The following CLDN15 variants were observed in gnomAD, a reference collection of about 807,000 sequenced individuals.
CLDN15 encodes claudin 15, also known as claudin-15.
In CLDN15, 9 loss-of-function variants were observed where a neutral mutation model predicts 24.5. That is an observed-to-expected ratio of 0.37 (90% confidence interval 0.22 to 0.64). CLDN15 has a LOEUF of 0.64. CLDN15 is among the 30% of genes least tolerant of loss of function. The pLI, the probability that CLDN15 is intolerant of heterozygous loss-of-function variation, is 0.63. For missense variants in CLDN15, 248 were observed against 305.9 expected (o/e 0.81, Z 1.41); for synonymous variants, 149 against 131.4 (o/e 1.13, Z -0.92).
rs202239413 is a variant in CLDN15, at chr7:101,232,614, G to T, written c.571C>A (p.Pro191Thr). ...SACCCGSDED[P>T]AASARRPYQA... ...CCTCACCCTGCTCACCTGGCGGCTGGGTCCTCGTCAGAGCCGCAGCAGCAG... is the reference window on the plus strand; with the variant it reads ...CCTCACCCTGCTCACCTGGCGGCTGTGTCCTCGTCAGAGCCGCAGCAGCAG... The change falls in exon 4 of 5, where the codon CCA (proline) becomes ACA (threonine). Residue 191 changes from proline (P) to threonine (T), a missense_variant. Pro to Thr is a conservative substitution (Grantham distance 38). Transcript: ENST00000308344. The T allele has an allele frequency of 1.9e-5, 30 of 1,591,624 alleles. No individual in the cohort carries two copies. The highest frequency in any genetic ancestry group is 7.2e-5 in the Admixed American group (4 of 55,494).
At position 101,237,333 on chromosome 7, in the gene CLDN15, C is replaced by T; in HGVS notation, c.217+32G>A. ...GGGGTCTCTGCAGCTTCCCCGCCGC[C>T]CTCTCTCCCTGGAGCGCTCCCCACC... On this transcript the variant is annotated intron_variant, in intron 1 of 4. Transcript: ENST00000308344. The surrounding 1 kb of genome is among the most constrained non-coding windows in gnomAD (Gnocchi z 4.0). 7.0e-7 allele frequency: 1 copy of T among 1,432,230 alleles called. No homozygotes were observed. Among genetic ancestry groups the T allele is most frequent in the East Asian group, 2.4e-5 (1 of 41,816 alleles). 88.7% of individuals were successfully genotyped at this position (1,432,230 alleles called of 1,614,324 possible).
At chr7:101,237,923 G>A (rs547566377), upstream of CLDN15, 336 of 361,918 alleles carry the variant, frequency 9.3e-4, no homozygotes, top group Non-Finnish European at 1.4e-3. This position sits in a 1 kb window ranked among gnomAD's most constrained non-coding sequence, Gnocchi z 4.0. Context: ...ACGAGGGTGG[G>A]GGGGGCAGAC....
At position 101,232,844 on chromosome 7, in the gene CLDN15, G is replaced by A. The variant is rs1299303399; in HGVS notation, c.453C>T (p.Tyr151=). 6.2e-7 allele frequency: 1 copy of A among 1,613,110 alleles called. No homozygotes were observed. The part of the protein sequence containing the change: ...NITRDFFDPL[Y]PGTKYELGPA... ...GTTTCCTCACTCACTTGGTTCCGGGGTACAAGGGGTCGAAGAAGTCCCGGG... is the reference window on the plus strand; with the variant it reads ...GTTTCCTCACTCACTTGGTTCCGGGATACAAGGGGTCGAAGAAGTCCCGGG... Residue 151 remains tyrosine, a synonymous_variant, in exon 3 of 5, where the codon TAC becomes TAT. Transcript: ENST00000308344.
chr7:101,232,114 A>C lies in CLDN15; in HGVS notation c.*296T>G. 3.5e-6 allele frequency: 1 copy of C among 285,758 alleles called. No homozygotes were observed. 17.7% of individuals were successfully genotyped at this position (285,758 alleles called of 1,614,324 possible). On this transcript the variant is annotated 3_prime_UTR_variant, in exon 5 of 5. Coordinates refer to ENST00000308344, the MANE Select transcript of CLDN15 (RefSeq NM_014343.3). Reference sequence around the variant, plus strand: ...CCCTGAACGGTCACAATATGCATTTATTAATGAATGTATTTATACACAATA... The same window carrying C: ...CCCTGAACGGTCACAATATGCATTTCTTAATGAATGTATTTATACACAATA...
chr7:101,232,230 C>A lies in CLDN15; in HGVS notation c.*180G>T. The A allele has an allele frequency of 1.7e-6, 1 of 574,340 alleles. No individual in the cohort carries two copies. The highest frequency in any genetic ancestry group is 2.9e-5 in the East Asian group (1 of 34,174). 35.6% of individuals were successfully genotyped at this position (574,340 alleles called of 1,614,324 possible). A position where few individuals can be genotyped will look rare whatever the true frequency, so the allele number is the denominator to read the frequency against. On this transcript the variant is annotated 3_prime_UTR_variant, in exon 5 of 5. Transcript: ENST00000308344. ...CCTCAGAGGGGAGATATGCGACTTC[C>A]CAAGAGCAGTTCTTGGCCTGGAGGG...
intron 1 of CLDN15, among the ~76,000 whole-genome samples, chr7:101,236,553 C>T (rs945022667): frequency 1.3e-5 from 2 of 152,238 alleles, no homozygotes; most frequent in Non-Finnish European, 2.9e-5. Flanking sequence ...TCACGGTCGC[C>T]AGCGCTCAGT....
In CLDN15 at chr7:101,237,584, T is replaced by G. The variant is rs1798655652; in HGVS notation, c.-3A>C. ...AAGGTTTCCACAGCCATCGACATGGTGGGATGCAGGACCCTGGGGGGCTGG... is the reference window on the plus strand; with the variant it reads ...AAGGTTTCCACAGCCATCGACATGGGGGGATGCAGGACCCTGGGGGGCTGG... On this transcript the variant is annotated 5_prime_UTR_variant, in exon 1 of 5. Transcript: ENST00000308344. This position sits in a 1 kb window ranked among gnomAD's most constrained non-coding sequence, Gnocchi z 4.0. 1.2e-6 allele frequency: 2 copies of G among 1,612,080 alleles called. No individual in the cohort carries two copies. Among genetic ancestry groups the G allele is most frequent in the Non-Finnish European group, 1.7e-6 (2 of 1,178,462 alleles).
Position 101,237,245 on chromosome 7 carries a change from C to A in CLDN15, c.217+120G>T. On this transcript the variant is annotated intron_variant, in intron 1 of 4. Coordinates refer to ENST00000308344, the MANE Select transcript of CLDN15 (RefSeq NM_014343.3). This position sits in a 1 kb window ranked among gnomAD's most constrained non-coding sequence, Gnocchi z 4.0. The stretch of plus-strand genomic sequence containing the variant: ...CCCCCAGCACTCCTGGCTGCGGGAA[C>A]TCAGACCCGCAGAGCTTAATTCAGG... 1 of 734,148 alleles carries A rather than the reference C, an allele frequency of 1.4e-6. No individual in the cohort carries two copies. The highest frequency in any genetic ancestry group is 2.4e-6 in the Non-Finnish European group (1 of 421,294). The allele number at this position is 734,148 out of a possible 1,614,324, so 45.5% of individuals were successfully genotyped here.
Position 101,232,455 on chromosome 7 carries a change from T to G in CLDN15, c.642A>C (p.Glu214Asp), listed in dbSNP as rs767416076. The G allele has an allele frequency of 3.7e-6, 6 of 1,613,548 alleles. No homozygotes were observed. The highest frequency in any genetic ancestry group is 3.4e-6 in the Non-Finnish European group (4 of 1,179,652). The change falls in exon 5 of 5, where the codon GAA becomes GAC. Residue 214 changes from glutamate to aspartate, a missense_variant. Glu to Asp is a conservative substitution (Grantham distance 45). Transcript: ENST00000308344. ...CGTATTTGCCAAAGCTGCTGTCGCC[T>G]TCTTGGTCCGAGGTGGCGACGGGCA... ...SVMPVATSDQEGDSSFGKYGR... is the reference protein window; with the variant it reads ...SVMPVATSDQDGDSSFGKYGR...
In CLDN15 at chr7:101,237,636, C is replaced by G; in HGVS notation, c.-55G>C. ...GCCCCAGAGAGGGGGAGGGGCAGAA[C>G]CCCTAGGGAACTGGAAGGGGCTGCG... On this transcript the variant is annotated 5_prime_UTR_variant, in exon 1 of 5. Transcript: ENST00000308344. This position sits in a 1 kb window ranked among gnomAD's most constrained non-coding sequence, Gnocchi z 4.0. 1 of 1,336,830 alleles carries G rather than the reference C, an allele frequency of 7.5e-7. No homozygotes were observed. Among genetic ancestry groups the G allele is most frequent in the Non-Finnish European group, 1.1e-6 (1 of 934,332 alleles). 82.8% of individuals were successfully genotyped at this position (1,336,830 alleles called of 1,614,324 possible). A position where few individuals can be genotyped will look rare whatever the true frequency, so the allele number is the denominator to read the frequency against.
At chr7:101,238,576 A>G (rs1798679779), upstream of CLDN15, 1 of 152,256 alleles carries the variant, frequency 6.6e-6, no homozygotes, top group Non-Finnish European at 1.5e-5. Flanking sequence ...GGCACCGGGA[A>G]CTGTCCTGGA....
chr7:101,235,392 T>C (rs1798602486), intron 1 of CLDN15, among the ~76,000 whole-genome samples: 2 of 152,122 alleles, frequency 1.3e-5, no homozygotes, highest in African/African-American at 4.8e-5. Flanking sequence ...GCCTCCTGAG[T>C]AGCTCAGGTT....
chr7:101,238,737 C>A (rs1224377125), upstream of CLDN15: 1 of 152,262 alleles, frequency 6.6e-6, no homozygotes, highest in African/African-American at 2.4e-5. Flanking sequence ...GCAACCTGTT[C>A]CCAGTTATCA....
rs559544251 is a variant in CLDN15, at chr7:101,232,530, C to T, written c.582-15G>A. Reference sequence around the variant, plus strand: ...GCCGCCGGGCGCTGCGGGGAGGGCCCGGGGTCAGAGCGGGGGCGCGGCCCT... The same window carrying T: ...GCCGCCGGGCGCTGCGGGGAGGGCCTGGGGTCAGAGCGGGGGCGCGGCCCT... On this transcript the variant is annotated splice_polypyrimidine_tract_variant and intron_variant, in intron 4 of 4. Transcript: ENST00000308344. 2.5e-6 allele frequency: 4 copies of T among 1,605,848 alleles called. No individual in the cohort carries two copies. The highest frequency in any genetic ancestry group is 1.3e-5 in the African/African-American group (1 of 74,860).
At chr7:101,234,012 A>T in intron 2 of CLDN15, 1 of 658,982 alleles carries the variant, frequency 1.5e-6, no homozygotes, top group Admixed American at 2.1e-5. Context: ...TCCCGGAGGC[A>T]GCCGCTCACT....
rs1234240947 is a variant in CLDN15 at position 101,237,065 on chromosome 7, G to C, written c.217+300C>G. Among the ~76,000 whole-genome samples, 2 of 152,198 alleles carry C rather than the reference G, an allele frequency of 1.3e-5. No individual in the cohort carries two copies. The highest frequency in any genetic ancestry group is 6.5e-5 in the Admixed American group (1 of 15,272). ...TGGGACTCTCACCCTAACCCTACAG[G>C]TGGGAGATGAAGCTGGTTTCATCAT... On this transcript the variant is annotated intron_variant, in intron 1 of 4. Transcript: ENST00000308344. This position sits in a 1 kb window ranked among gnomAD's most constrained non-coding sequence, Gnocchi z 4.0.
chr7:101,232,848 A>T lies in CLDN15; in HGVS notation c.449T>A (p.Leu150Ter), dbSNP rs774415158. Residue 150 changes from leucine to a stop codon, truncating the protein, a stop_gained, in exon 3 of 5, where the codon TTG becomes TAG. Transcript: ENST00000308344. LOFTEE classifies it high-confidence loss of function. Reference sequence around the variant, plus strand: ...CCTCACTCACTTGGTTCCGGGGTACAAGGGGTCGAAGAAGTCCCGGGTGAT... The same window carrying T: ...CCTCACTCACTTGGTTCCGGGGTACTAGGGGTCGAAGAAGTCCCGGGTGAT... ...FNITRDFFDP[L>*]YPGTKYELGP... 1.2e-6 allele frequency: 2 copies of T among 1,613,240 alleles called. No homozygotes were observed. Among genetic ancestry groups the T allele is most frequent in the Non-Finnish European group, 1.7e-6 (2 of 1,179,612 alleles).
In CLDN15 at chr7:101,237,213, T is replaced by C. The variant is rs1244328392; in HGVS notation, c.217+152A>G. 7.6e-6 allele frequency: 5 copies of C among 655,722 alleles called. No individual in the cohort carries two copies. The highest frequency in any genetic ancestry group is 5.4e-5 in the African/African-American group (3 of 55,766). The allele number at this position is 655,722 out of a possible 1,614,324, so 40.6% of individuals were successfully genotyped here. ...AAGGTCTTCACTCCAGTTCTAGGCA[T>C]GGGCCGCCCCCAGCACTCCTGGCTG... On this transcript the variant is annotated intron_variant, in intron 1 of 4. Transcript: ENST00000308344. The surrounding 1 kb of genome is among the most constrained non-coding windows in gnomAD (Gnocchi z 4.0).
rs767380003 is a variant in CLDN15 at position 101,234,456 on chromosome 7, C to T, written c.218-14G>A. On this transcript the variant is annotated splice_polypyrimidine_tract_variant and intron_variant, in intron 1 of 4. Transcript: ENST00000308344. ...CCTGAATATACCCTGGGGGTGGGCA[C>T]AGTTGTCAGCCTTTCCCATCTCCCC... 1.8e-5 allele frequency: 28 copies of T among 1,594,864 alleles called. No individual in the cohort carries two copies. The highest frequency in any genetic ancestry group is 1.7e-5 in the Admixed American group (1 of 59,764).
Sources: gnomAD v4.1 joint callset for allele counts (sites outside exome capture counted in the v4.1 genomes callset) on GRCh38, gnomAD v4.1.1 for gene constraint, Gnocchi (gnomAD v3.1) non-coding constraint, MANE v1.5 for transcripts, NCBI Gene and HGNC (gene_info 2026-07-23, HGNC 2026-07-21) for gene names.